NEGR1: variants seen among roughly 807,000 people sequenced by gnomAD.
The protein encoded by NEGR1 is IgLON family member 4.
NEGR1 carries 10 observed loss-of-function variants against 40.9 expected under a neutral mutation model. The ratio of observed to expected loss-of-function variants is 0.24; its 90% confidence interval spans 0.15 to 0.42. NEGR1 has a LOEUF of 0.42. Ranked by LOEUF, NEGR1 falls within the 10% of genes least tolerant of loss-of-function variation. The pLI is 1.00. For synonymous variants in NEGR1, 185 were observed against 166.8 expected (o/e 1.11, Z -0.84); for missense variants, 352 against 438.9 (o/e 0.80, Z 1.77).
At chr1:72,257,171 T>A (rs375746762) in intron 1 of NEGR1, among the ~76,000 whole-genome samples, 12 of 151,200 alleles carry the variant, frequency 7.9e-5, no homozygotes, top group East Asian at 5.9e-4. Context: ...AAATACAAAA[T>A]ATTAGCCGGG....
At chr1:72,100,037 G>C (rs1043555038) in intron 1 of NEGR1, among the ~76,000 whole-genome samples, 2 of 151,986 alleles carry the variant, frequency 1.3e-5, no homozygotes, top group African/African-American at 4.8e-5. Flanking sequence ...TAGAAGATTG[G>C]AATTTAAATA....
At chr1:71,619,038 C>T (rs745700350) in intron 4 of NEGR1, among the ~76,000 whole-genome samples, 2 of 152,086 alleles carry the variant, frequency 1.3e-5, no homozygotes, top group Non-Finnish European at 2.9e-5. Context: ...AATGTACTCA[C>T]AGATTTCATG....
chr1:71,708,348 C>T (rs945223667), intron 3 of NEGR1, among the ~76,000 whole-genome samples: 25 of 151,392 alleles, frequency 1.7e-4, no homozygotes, highest in Non-Finnish European at 2.5e-4. Flanking sequence ...AATTATGGAG[C>T]TGAAAAATGT....
intron 4 of NEGR1, among the ~76,000 whole-genome samples, chr1:71,692,635 C>G (rs1413513195): frequency 6.6e-6 from 1 of 151,830 alleles, no homozygotes; most frequent in African/African-American, 2.4e-5. Context: ...GAAGCCTCCT[C>G]CTCTTACTCC....
intron 1 of NEGR1, among the ~76,000 whole-genome samples, chr1:72,187,501 T>C (rs543697740): frequency 8.6e-5 from 13 of 151,614 alleles, no homozygotes; most frequent in African/African-American, 2.9e-4. Context: ...TTCAAACTAA[T>C]CTATTTTGCT....
chr1:71,563,157 C>A (rs1043240360), intron 6 of NEGR1, among the ~76,000 whole-genome samples: 2 of 151,922 alleles, frequency 1.3e-5, no homozygotes, highest in African/African-American at 4.8e-5. Flanking sequence ...GCTTGTTCTC[C>A]ATGAAACATA....
intron 1 of NEGR1, among the ~76,000 whole-genome samples, chr1:71,986,975 T>C (rs1646400484): frequency 6.6e-6 from 1 of 152,180 alleles, no homozygotes; most frequent in Non-Finnish European, 1.5e-5. Context: ...TGCCTTGATA[T>C]TGGTATTTTG....
chr1:71,894,662 C>T (rs1660915186), intron 2 of NEGR1, among the ~76,000 whole-genome samples: 4 of 152,200 alleles, frequency 2.6e-5, no homozygotes, highest in Non-Finnish European at 5.9e-5. Context: ...GTTTAACTTG[C>T]TAACTTGTTA....
chr1:71,713,539 T>C lies in NEGR1; in HGVS notation c.536-15400A>G, dbSNP rs144142194. On this transcript the variant is annotated intron_variant, in intron 3 of 6. Transcript: ENST00000357731. ...AATAAGAATATAAAGACACAGATAT[T>C]TGGAAAATAGTTTTGTTACACATAA... 3.8e-3 allele frequency among the ~76,000 whole-genome samples: 577 copies of C among 152,306 alleles called. 2 individuals carry two copies. Among genetic ancestry groups the C allele is most frequent in the African/African-American group, 0.013 (546 of 41,562 alleles).
At chr1:71,485,374 C>T (rs776548341) in intron 6 of NEGR1, among the ~76,000 whole-genome samples, 5 of 151,522 alleles carry the variant, frequency 3.3e-5, no homozygotes, top group Non-Finnish European at 7.4e-5. Flanking sequence ...ATAGAATCCC[C>T]GATTATCAAC....
chr1:71,500,197 G>A (rs1227124399), intron 6 of NEGR1, among the ~76,000 whole-genome samples: 2 of 151,948 alleles, frequency 1.3e-5, no homozygotes, highest in Admixed American at 6.6e-5. Flanking sequence ...TTACAATTAT[G>A]TTGGATATAT....
At chr1:72,269,914 T>C (rs1439725224) in intron 1 of NEGR1, among the ~76,000 whole-genome samples, 8 of 151,826 alleles carry the variant, frequency 5.3e-5, no homozygotes, top group East Asian at 1.9e-4. Context: ...TCTTCAACTA[T>C]AGAACATACT....
At chr1:72,117,133 T>C (rs1649613227) in intron 1 of NEGR1, among the ~76,000 whole-genome samples, 1 of 151,814 alleles carries the variant, frequency 6.6e-6, no homozygotes, top group Admixed American at 6.6e-5. Flanking sequence ...TCATATCTAA[T>C]TGATGAGTTT....
intron 2 of NEGR1, among the ~76,000 whole-genome samples, chr1:71,872,676 A>G (rs1252746801): frequency 6.6e-6 from 1 of 152,222 alleles, no homozygotes; most frequent in Non-Finnish European, 1.5e-5. Flanking sequence ...CAGTGTCTTA[A>G]GACCACCATA....
intron 1 of NEGR1, among the ~76,000 whole-genome samples, chr1:71,940,701 T>C (rs1032981951): frequency 6.6e-6 from 1 of 152,194 alleles, no homozygotes; most frequent in African/African-American, 2.4e-5. Context: ...TTGATCAAAC[T>C]GTTAGGAAAA....
intron 2 of NEGR1, among the ~76,000 whole-genome samples, chr1:71,832,801 C>A (rs529092341): frequency 1.3e-5 from 2 of 152,116 alleles, no homozygotes; most frequent in Admixed American, 1.3e-4. Flanking sequence ...GCCATGATTA[C>A]ATAAGGAATC....
intron 4 of NEGR1, among the ~76,000 whole-genome samples, chr1:71,647,917 G>T (rs1651586544): frequency 6.6e-6 from 1 of 151,914 alleles, no homozygotes; most frequent in African/African-American, 2.4e-5. Flanking sequence ...AAATTAAACT[G>T]TTATGTCATA....
At chr1:72,119,379 G>T (rs144147237) in intron 1 of NEGR1, among the ~76,000 whole-genome samples, 1 of 151,620 alleles carries the variant, frequency 6.6e-6, no homozygotes, top group Non-Finnish European at 1.5e-5. Context: ...AGTAGTATAT[G>T]GTCTGTATGA....
At chr1:72,133,167 C>T (rs1188517695) in intron 1 of NEGR1, among the ~76,000 whole-genome samples, 1 of 152,004 alleles carries the variant, frequency 6.6e-6, no homozygotes, top group Admixed American at 6.6e-5. Flanking sequence ...TGCAAATTAT[C>T]TGCTTTGGTA....
Sources: allele counts gnomAD v4.1 joint callset (sites outside exome capture counted in the v4.1 genomes callset), GRCh38; gene constraint gnomAD v4.1.1; transcripts MANE v1.5; gene names NCBI Gene and HGNC (gene_info 2026-07-23, HGNC 2026-07-21).